ATP8A2: variants seen among roughly 807,000 people sequenced by gnomAD.
The protein encoded by ATP8A2 is phospholipid-transporting ATPase IB.
A neutral mutation model predicts 165.6 loss-of-function variants in ATP8A2; 100 were observed. The observed-to-expected ratio is 0.60, with a 90% CI of 0.51 to 0.71. ATP8A2 has a LOEUF of 0.71. Ranked by LOEUF, ATP8A2 falls within the 30% of genes least tolerant of loss-of-function variation. ATP8A2 has a pLI of 0.00. For synonymous variants in ATP8A2, 543 were observed against 548.8 expected (o/e 0.99, Z 0.15); for missense variants, 1,227 against 1,479.5 (o/e 0.83, Z 2.80).
chr13:25,496,930 G>A (rs1396682010), intron 2 of ATP8A2, among the ~76,000 whole-genome samples: 3 of 152,094 alleles, frequency 2.0e-5, no homozygotes, highest in Non-Finnish European at 4.4e-5. Flanking sequence ...CAGCCCTTTG[G>A]ATGTAAAGCT....
At chr13:25,851,162 C>A (rs1402696154) in intron 30 of ATP8A2, among the ~76,000 whole-genome samples, 3 of 152,228 alleles carry the variant, frequency 2.0e-5, no homozygotes, top group Non-Finnish European at 4.4e-5. Flanking sequence ...TGAGTTACCT[C>A]TCCAAAACAA....
chr13:25,400,408 TATGGGGTAC>T (rs2033599883), intron 1 of ATP8A2, among the ~76,000 whole-genome samples: 1 of 152,238 alleles, frequency 6.6e-6, no homozygotes, highest in African/African-American at 2.4e-5. Context: ...TTTATATATT[TATGGGGTAC>T]ATGCGAGTGT....
chr13:25,911,131 CTTT>C (rs1954093610), intron 33 of ATP8A2, among the ~76,000 whole-genome samples: 1 of 152,020 alleles, frequency 6.6e-6, no homozygotes, highest in Admixed American at 6.6e-5. Flanking sequence ...TGACTGACCC[CTTT>C]CTCTCCTCTT....
At chr13:26,015,890 C>T (rs1479973064) in intron 36 of ATP8A2, among the ~76,000 whole-genome samples, 1 of 152,150 alleles carries the variant, frequency 6.6e-6, no homozygotes, top group Middle Eastern at 3.2e-3. Flanking sequence ...CTCCGAGCTC[C>T]CCGTTTGGAT....
chr13:25,756,104 C>T (rs1006167509), intron 25 of ATP8A2, among the ~76,000 whole-genome samples: 3 of 152,186 alleles, frequency 2.0e-5, no homozygotes, highest in South Asian at 2.1e-4. Flanking sequence ...TAGCTCTCAG[C>T]CTGGATGGTG....
chr13:25,679,633 T>G (rs959937113), intron 24 of ATP8A2, among the ~76,000 whole-genome samples: 1 of 152,202 alleles, frequency 6.6e-6, no homozygotes, highest in Non-Finnish European at 1.5e-5. Flanking sequence ...CACCTGAACA[T>G]AAGCTAAATG....
intron 24 of ATP8A2, among the ~76,000 whole-genome samples, chr13:25,692,756 A>G (rs2042752968): frequency 6.6e-6 from 1 of 152,172 alleles, no homozygotes; most frequent in African/African-American, 2.4e-5. Context: ...TTAATTTATA[A>G]ACTGGGAATG....
intron 35 of ATP8A2, among the ~76,000 whole-genome samples, chr13:26,011,385 G>A (rs1956844092): frequency 6.6e-6 from 1 of 152,080 alleles, no homozygotes; most frequent in Non-Finnish European, 1.5e-5. Flanking sequence ...GCTGGATTAG[G>A]GCCCACCCTG....
At chr13:25,810,758 A>G (rs1047463494) in intron 27 of ATP8A2, among the ~76,000 whole-genome samples, 2 of 152,124 alleles carry the variant, frequency 1.3e-5, no homozygotes, top group African/African-American at 4.8e-5. Context: ...GTGGAGAAAG[A>G]GAGAGAGGGA....
At chr13:25,933,625 G>A (rs1014257131) in intron 33 of ATP8A2, among the ~76,000 whole-genome samples, 3 of 152,224 alleles carry the variant, frequency 2.0e-5, no homozygotes, top group East Asian at 1.9e-4. Context: ...AAGACTGGGA[G>A]GGTGCACACC....
At chr13:25,609,534 G>GGGATTCAATATATATATATATATTT (rs2040603879) in intron 24 of ATP8A2, among the ~76,000 whole-genome samples, 1 of 42,298 alleles carries the variant, frequency 2.4e-5, no homozygotes, top group Non-Finnish European at 7.2e-5. Context: ...ATATATATTT[G>GGGATTCAATATATATATATATATTT]GGATTCAAAT....
intron 1 of ATP8A2, among the ~76,000 whole-genome samples, chr13:25,463,963 T>C (rs1272334249): frequency 6.6e-6 from 1 of 152,138 alleles, no homozygotes; most frequent in African/African-American, 2.4e-5. Flanking sequence ...CTCTACCATC[T>C]CTCTTGATTT....
intron 27 of ATP8A2, among the ~76,000 whole-genome samples, chr13:25,797,183 G>A (rs867639237): frequency 3.3e-5 from 5 of 152,032 alleles, no homozygotes; most frequent in South Asian, 2.1e-4. Context: ...CAGGAGAATC[G>A]CTTGAACCCA....
Position 25,408,990 on chromosome 13 carries a change from G to C in ATP8A2, c.76+36702G>C, listed in dbSNP as rs571028439. On this transcript the variant is annotated intron_variant, in intron 1 of 36. Transcript: ENST00000381655. ...CTTGATTTTAGTACCTTCAATTATA[G>C]TTTGCAAATTCATAGGTCATTTCAT... Among the ~76,000 whole-genome samples, 13 of 152,280 alleles carry C rather than the reference G, an allele frequency of 8.5e-5. No individual in the cohort carries two copies. In the South Asian group the frequency reaches 2.5e-3, roughly 29 times the overall value.
At chr13:25,687,986 A>G (rs954751783) in intron 24 of ATP8A2, among the ~76,000 whole-genome samples, 2 of 152,072 alleles carry the variant, frequency 1.3e-5, no homozygotes, top group South Asian at 2.1e-4. Context: ...GCTTCCTCCC[A>G]GCCTGCCAGA....
chr13:25,728,990 TC>T (rs2043556460), intron 25 of ATP8A2, among the ~76,000 whole-genome samples: 1 of 152,208 alleles, frequency 6.6e-6, no homozygotes, highest in African/African-American at 2.4e-5. Flanking sequence ...ATGGAGATTT[TC>T]CTCTTGCATT....
intron 25 of ATP8A2, among the ~76,000 whole-genome samples, chr13:25,761,988 G>GTGA (rs1362536007): frequency 6.6e-6 from 1 of 152,058 alleles, no homozygotes; most frequent in African/African-American, 2.4e-5. Context: ...AAGGCTGGGT[G>GTGA]TGATGGCTCA....
chr13:25,845,854 A>T (rs968852708), intron 30 of ATP8A2, among the ~76,000 whole-genome samples: 1 of 152,154 alleles, frequency 6.6e-6, no homozygotes, highest in African/African-American at 2.4e-5. Context: ...AACTTCTTAA[A>T]CTCAATTATT....
At chr13:25,709,369 C>T (rs2137969304) in intron 25 of ATP8A2, among the ~76,000 whole-genome samples, 1 of 152,284 alleles carries the variant, frequency 6.6e-6, no homozygotes, top group South Asian at 2.1e-4. Flanking sequence ...TTTCCTTACT[C>T]TTGTCTGTTT....
Sources: allele counts gnomAD v4.1 joint callset (sites outside exome capture counted in the v4.1 genomes callset), GRCh38; gene constraint gnomAD v4.1.1; transcripts MANE v1.5; gene names NCBI Gene and HGNC (gene_info 2026-07-23, HGNC 2026-07-21).